Variants in ADARB1 observed in about 807,000 individuals in gnomAD.
ADARB1 encodes the protein double-stranded RNA-specific editase 1.
A neutral mutation model predicts 52.4 loss-of-function variants in ADARB1; 10 were observed. The observed-to-expected ratio is 0.19, with a 90% CI of 0.12 to 0.32. The LOEUF (loss-of-function observed/expected upper bound fraction) is 0.32, where lower values mean the gene tolerates loss of function less well. Among genes scored for constraint, ADARB1 ranks in the 10% least tolerant of loss-of-function variants. The pLI is 1.00. For missense variants in ADARB1, 643 were observed against 922.3 expected (o/e 0.70, Z 3.92); for synonymous variants, 349 against 371.1 (o/e 0.94, Z 0.68).
rs754844391 is a variant in ADARB1, at chr21:45,183,408, G to A, written c.1294G>A (p.Gly432Arg). Residue 432 changes from glycine to arginine, a missense_variant, in exon 7 of 11, where the codon GGG (glycine) becomes AGG (arginine). Physicochemically the swap from Gly to Arg is moderately radical, Grantham distance 125. Coordinates refer to ENST00000348831, the MANE Select transcript of ADARB1 (RefSeq NM_001112.4). ...ATCCATCTTTCAGAAATCAGAGCGAGGGGGGTTTAGGCTGAAGGAGAATGT... is the reference window on the plus strand; with the variant it reads ...ATCCATCTTTCAGAAATCAGAGCGAAGGGGGTTTAGGCTGAAGGAGAATGT... The part of the protein sequence containing the change: ...KRSIFQKSER[G>R]GFRLKENVQF... 6.2e-7 allele frequency: 1 copy of A among 1,607,520 alleles called. No homozygotes were observed. Among genetic ancestry groups the A allele is most frequent in the Non-Finnish European group, 8.5e-7 (1 of 1,178,010 alleles).
In ADARB1 at chr21:45,174,576, G is replaced by A. The variant is rs1444543037; in HGVS notation, c.29-1154G>A. Among the ~76,000 whole-genome samples the A allele has an allele frequency of 4.6e-5, 7 of 151,964 alleles. No homozygotes were observed. In the East Asian group the frequency reaches 9.7e-4, roughly 21 times the overall value. The stretch of plus-strand genomic sequence containing the variant: ...AAATTAGCCGGGCATGGTAGCCCAC[G>A]CCTGTAGTCCCAGCTACTCGGGAGG... On this transcript the variant is annotated intron_variant, in intron 3 of 10. Coordinates refer to ENST00000348831, the MANE Select transcript of ADARB1 (RefSeq NM_001112.4).
At position 45,204,816 on chromosome 21, in the gene ADARB1, C is replaced by T; in HGVS notation, c.1747+80C>T. 6.9e-7 allele frequency: 1 copy of T among 1,438,900 alleles called. No homozygotes were observed. Among genetic ancestry groups the T allele is most frequent in the South Asian group, 1.3e-5 (1 of 77,190 alleles). 89.1% of individuals were successfully genotyped at this position (1,438,900 alleles called of 1,614,324 possible). A position where few individuals can be genotyped will look rare whatever the true frequency, so the allele number is the denominator to read the frequency against. ...TCATCCTCATGAATGAAAAAAACAC[C>T]ACCTGAGCTGCTCTGTGGCTATCAA... On this transcript the variant is annotated intron_variant, in intron 9 of 10. Coordinates refer to ENST00000348831, the MANE Select transcript of ADARB1 (RefSeq NM_001112.4). This position sits in a 1 kb window ranked among gnomAD's most constrained non-coding sequence, Gnocchi z 4.4.
intron 8 of ADARB1, among the ~76,000 whole-genome samples, chr21:45,199,852 G>A (rs929402465): frequency 6.6e-6 from 1 of 152,202 alleles, no homozygotes; most frequent in Non-Finnish European, 1.5e-5. Flanking sequence ...TCCATTTGGA[G>A]GATCCTTGCT....
intron 1 of ADARB1, among the ~76,000 whole-genome samples, chr21:45,086,773 T>C (rs1054958765): frequency 2.0e-5 from 3 of 152,248 alleles, no homozygotes; most frequent in Non-Finnish European, 4.4e-5. Context: ...CTTTGAACAT[T>C]AGCAAGCATG....
chr21:45,217,479 G>C (rs918711014), intron 9 of ADARB1, among the ~76,000 whole-genome samples: 3 of 151,982 alleles, frequency 2.0e-5, no homozygotes, highest in Admixed American at 2.0e-4. Context: ...CTTACAACAG[G>C]ATACTTTCGT....
At chr21:45,183,999 C>A (rs188959953) in intron 7 of ADARB1, among the ~76,000 whole-genome samples, 190 of 152,282 alleles carry the variant, frequency 1.2e-3, no homozygotes, top group Non-Finnish European at 6.3e-4. Context: ...GTATCTACAT[C>A]CCTTCTCCCA....
At chr21:45,115,482 A>C (rs963147929) in intron 1 of ADARB1, among the ~76,000 whole-genome samples, 1 of 152,234 alleles carries the variant, frequency 6.6e-6, no homozygotes, top group African/African-American at 2.4e-5. Flanking sequence ...TAAGAAACCC[A>C]GTTAGATTGT....
chr21:45,204,141 T>C lies in ADARB1; in HGVS notation c.1566-414T>C, dbSNP rs2092619301. On this transcript the variant is annotated intron_variant, in intron 8 of 10. Transcript: ENST00000348831. This position sits in a 1 kb window ranked among gnomAD's most constrained non-coding sequence, Gnocchi z 4.4. ...TCAGAACGGCATACAGTTGAAAGTCTGGAAGTGTTTATTTCTGGAATTTTT... is the reference window on the plus strand; with the variant it reads ...TCAGAACGGCATACAGTTGAAAGTCCGGAAGTGTTTATTTCTGGAATTTTT... 6.6e-6 allele frequency among the ~76,000 whole-genome samples: 1 copy of C among 152,218 alleles called. No homozygotes were observed. The highest frequency in any genetic ancestry group is 6.5e-5 in the Admixed American group (1 of 15,288).
In ADARB1 at chr21:45,172,475, A is replaced by G. The variant is rs1341963251; in HGVS notation, c.28+791A>G. ...ATGTCACTGGGAGTGATTATTGAGC[A>G]TTAGAACTTAGCACTTTCCCTTTGA... On this transcript the variant is annotated intron_variant, in intron 3 of 10. Coordinates refer to ENST00000348831, the MANE Select transcript of ADARB1 (RefSeq NM_001112.4). This position sits in a 1 kb window ranked among gnomAD's most constrained non-coding sequence, Gnocchi z 4.4. 2.6e-5 allele frequency among the ~76,000 whole-genome samples: 4 copies of G among 152,218 alleles called. No homozygotes were observed. The highest frequency in any genetic ancestry group is 2.0e-4 in the Admixed American group (3 of 15,288).
chr21:45,204,797 T>A lies in ADARB1; in HGVS notation c.1747+61T>A, dbSNP rs951268164. On this transcript the variant is annotated intron_variant, in intron 9 of 10. Transcript: ENST00000348831. The surrounding 1 kb of genome is among the most constrained non-coding windows in gnomAD (Gnocchi z 4.4). ...TCTTGATTTTGCAATGTTTTCATCC[T>A]CATGAATGAAAAAAACACCACCTGA... The A allele has an allele frequency of 1.3e-6, 2 of 1,551,048 alleles. No individual in the cohort carries two copies. Among genetic ancestry groups the A allele is most frequent in the African/African-American group, 2.7e-5 (2 of 73,210 alleles).
At chr21:45,087,088 G>T (rs1200448422) in intron 1 of ADARB1, among the ~76,000 whole-genome samples, 2 of 152,180 alleles carry the variant, frequency 1.3e-5, no homozygotes, top group South Asian at 2.1e-4. Flanking sequence ...CCGGGTGTTT[G>T]ATGTTTTCCC....
rs571756639 is a variant in ADARB1 at position 45,224,989 on chromosome 21, A to G, written c.*2792A>G. 2 of 985,474 alleles carry G rather than the reference A, an allele frequency of 2.0e-6. No individual in the cohort carries two copies. The allele number at this position is 985,474 out of a possible 1,614,324, so 61.0% of individuals were successfully genotyped here. ...TTTTAGAGACTTAGCAGAAAATTCG[A>G]CACAAGCAGGAACTTGATTTTTTAA... On this transcript the variant is annotated 3_prime_UTR_variant, in exon 11 of 11. Transcript: ENST00000348831.
rs2089989084 is a variant in ADARB1 at position 45,146,057 on chromosome 21, TC to T, written c.-48+17486del. 9 of 149,108 alleles carry T rather than the reference TC, an allele frequency of 6.0e-5. No individual in the cohort carries two copies. In the South Asian group the frequency reaches 1.8e-3, roughly 29 times the overall value. 9.2% of individuals were successfully genotyped at this position (149,108 alleles called of 1,614,324 possible). On this transcript the variant is annotated intron_variant, in intron 2 of 10. Coordinates refer to ENST00000348831, the MANE Select transcript of ADARB1 (RefSeq NM_001112.4). ...GGGTTACGGTTTCGGACTCACCTGA[TC>T]CGTTCTGCCGGGATTACCTACGGCC...
chr21:45,179,030 A>G (rs991921642), intron 4 of ADARB1, among the ~76,000 whole-genome samples: 2 of 152,098 alleles, frequency 1.3e-5, no homozygotes, highest in African/African-American at 4.8e-5. Flanking sequence ...GCTTATCCCT[A>G]ATCTTCTTAT....
intron 1 of ADARB1, among the ~76,000 whole-genome samples, chr21:45,127,989 C>CG (rs759660291): frequency 2.6e-5 from 4 of 152,138 alleles, no homozygotes; most frequent in Non-Finnish European, 5.9e-5. Flanking sequence ...GGGCAGAGCA[C>CG]GTGCAGGGAT....
intron 9 of ADARB1, among the ~76,000 whole-genome samples, chr21:45,212,574 A>G (rs1052760640): frequency 6.6e-6 from 1 of 152,174 alleles, no homozygotes; most frequent in Non-Finnish European, 1.5e-5. Context: ...AGGCCAGCCC[A>G]GCCCTGTGTG....
chr21:45,181,750 C>T (rs935099073), intron 5 of ADARB1, among the ~76,000 whole-genome samples: 3 of 152,264 alleles, frequency 2.0e-5, no homozygotes, highest in Non-Finnish European at 4.4e-5. Flanking sequence ...GCACTCCAGA[C>T]AGCTGGTTCA....
At chr21:45,196,472 A>T (rs2092428606) in intron 8 of ADARB1, among the ~76,000 whole-genome samples, 2 of 152,340 alleles carry the variant, frequency 1.3e-5, no homozygotes, top group Admixed American at 1.3e-4. Context: ...ACTAAAAAAG[A>T]CTTTCCATAA....
intron 3 of ADARB1, 197 bp downstream of exon 3, chr21:45,171,881 T>C (rs1458648195): frequency 1.8e-6 from 1 of 569,516 alleles, no homozygotes; most frequent in Non-Finnish European, 3.1e-6. Flanking sequence ...ACGTTTTTCC[T>C]TCCTCGTTAT....
Sources: gnomAD v4.1 joint callset for allele counts (sites outside exome capture counted in the v4.1 genomes callset) on GRCh38, gnomAD v4.1.1 for gene constraint, Gnocchi (gnomAD v3.1) non-coding constraint, MANE v1.5 for transcripts, NCBI Gene and HGNC (gene_info 2026-07-23, HGNC 2026-07-21) for gene names.